SLC39A6: variants seen among roughly 807,000 people sequenced by gnomAD.
The protein encoded by SLC39A6 is solute carrier family 39 member 6.
Under a neutral mutation model 63.5 loss-of-function variants are expected in SLC39A6, and 51 were observed. That is an observed-to-expected ratio of 0.80 (90% CI 0.64 to 1.01). The LOEUF (loss-of-function observed/expected upper bound fraction) is 1.01, where lower values mean the gene tolerates loss of function less well. Ranked by LOEUF, SLC39A6 falls within the 50% of genes least tolerant of loss-of-function variation. The pLI, the probability that SLC39A6 is intolerant of heterozygous loss-of-function variation, is 0.00. For synonymous variants in SLC39A6, 318 were observed against 324.7 expected, an observed-to-expected ratio of 0.98 and a Z score of 0.22; for missense variants, 805 against 927.8, an observed-to-expected ratio of 0.87 and a Z score of 1.72.
Position 36,109,740 on chromosome 18 carries a change from A to G in SLC39A6, c.2121T>C (p.Pro707=), listed in dbSNP as rs773505650. 1.3e-6 allele frequency: 2 copies of G among 1,593,056 alleles called. No homozygotes were observed. The highest frequency in any genetic ancestry group is 2.7e-5 in the African/African-American group (2 of 73,484). ...CACTAGCATCATTGTGCAGCATTTC[A>G]GGTACCTTTAAAAAAAAGTAAGGGA... The part of the protein sequence containing the change: ...FMYVALVDMV[P]EMLHNDASDH... Residue 707 remains proline (P), a synonymous_variant, in exon 10 of 10, where the codon CCT becomes CCC. Coordinates refer to ENST00000269187, the MANE Select transcript of SLC39A6 (RefSeq NM_012319.4).
intron 5 of SLC39A6, among the ~76,000 whole-genome samples, chr18:36,120,365 A>C (rs2089382865): frequency 6.6e-6 from 1 of 152,244 alleles, no homozygotes; most frequent in African/African-American, 2.4e-5. Flanking sequence ...CTTGATTAAG[A>C]ATAAATAAGC....
Position 36,122,118 on chromosome 18 carries a change from C to G in SLC39A6, c.1293G>C (p.Leu431=), listed in dbSNP as rs752391375. Residue 431 remains leucine, a synonymous_variant, in exon 5 of 10, where the codon CTG becomes CTC. Coordinates refer to ENST00000269187, the MANE Select transcript of SLC39A6 (RefSeq NM_012319.4). ...CATGTTCAACAAGAAACATGAAATACAGGCCTCCTAGAGCTGTTAGACCCT... is the reference window on the plus strand; with the variant it reads ...CATGTTCAACAAGAAACATGAAATAGAGGCCTCCTAGAGCTGTTAGACCCT... ...TWKGLTALGG[L]YFMFLVEHVL... is the part of the protein sequence containing the mutation. 6.2e-7 allele frequency: 1 copy of G among 1,613,928 alleles called. No homozygotes were observed. The highest frequency in any genetic ancestry group is 1.1e-5 in the South Asian group (1 of 91,086).
intron 4 of SLC39A6, 54 bp downstream of exon 4, chr18:36,123,438 CATT>C: frequency 6.9e-7 from 1 of 1,447,114 alleles, no homozygotes; most frequent in Non-Finnish European, 9.3e-7. Flanking sequence ...TAAACCAAAA[CATT>C]TTTTTTTCAA....
Position 36,124,550 on chromosome 18 carries a change from T to A in SLC39A6, c.940A>T (p.Ile314Phe). Residue 314 changes from isoleucine to phenylalanine, a missense_variant, in exon 3 of 10, where the codon ATC becomes TTC. Ile to Phe is a conservative substitution (Grantham distance 21). This residue lies in a region of SLC39A6 where 639 missense variants were observed against 644.0 expected (regional missense o/e 0.99). Transcript: ENST00000269187. ...LIHTSEKKAE[I>F]PPKTYSLQIA... ...TGTAATGAATAGGTCTTTGGAGGGA[T>A]TTCAGCCTTCTTTTCACTTGTATGA... is the stretch of plus-strand genomic sequence containing the variant. 6.4e-7 allele frequency: 1 copy of A among 1,571,090 alleles called. No individual in the cohort carries two copies. The highest frequency in any genetic ancestry group is 8.7e-7 in the Non-Finnish European group (1 of 1,146,620).
At chr18:36,110,935 GGACGACATA>G in intron 9 of SLC39A6, 115 bp downstream of exon 9, 1 of 1,448,884 alleles carries the variant, frequency 6.9e-7, no homozygotes, top group Admixed American at 2.5e-5. Flanking sequence ...AGACCAGCCT[GGACGACATA>G]GCAAGATTCC....
chr18:36,124,450 C>A (rs2089418818), intron 3 of SLC39A6, 70 bp downstream of exon 3: 4 of 995,876 alleles, frequency 4.0e-6, no homozygotes, highest in Non-Finnish European at 4.3e-6. Context: ...TAGGCTGATG[C>A]AAATCTAAGG....
intron 5 of SLC39A6, among the ~76,000 whole-genome samples, chr18:36,121,791 A>G (rs2089396545): frequency 6.6e-6 from 1 of 152,190 alleles, no homozygotes; most frequent in Non-Finnish European, 1.5e-5. Flanking sequence ...TTGTCTGGTC[A>G]CTTATACAGA....
intron 7 of SLC39A6, among the ~76,000 whole-genome samples, chr18:36,113,197 C>T (rs1056197067): frequency 6.6e-6 from 1 of 151,876 alleles, no homozygotes; most frequent in African/African-American, 2.4e-5. Flanking sequence ...CGGGCTCAAG[C>T]GTTCCATCTA....
intron 5 of SLC39A6, among the ~76,000 whole-genome samples, chr18:36,121,681 C>CTAAT (rs10664689): frequency 0.31 from 47,077 of 151,916 alleles, 7,593 homozygotes; most frequent in Middle Eastern, 0.47. Flanking sequence ...TACTGGGTGA[C>CTAAT]TGGAAATTAA....
Position 36,121,541 on chromosome 18 carries a change from G to A in SLC39A6, c.1359+511C>T, listed in dbSNP as rs190695817. Among the ~76,000 whole-genome samples the A allele has an allele frequency of 7.7e-4, 117 of 152,194 alleles. 1 individual carries two copies. The highest frequency in any genetic ancestry group is 1.0e-4 in the Non-Finnish European group (7 of 68,030). ...TAAAAAGTGGCAAATTACCATAGGC[G>A]ACTCAAAAGGGTTTTTTTTGGCCAG... On this transcript the variant is annotated intron_variant, in intron 5 of 9. Transcript: ENST00000269187.
At chr18:36,111,951 T>C (rs1246109150) in intron 8 of SLC39A6, among the ~76,000 whole-genome samples, 3 of 152,116 alleles carry the variant, frequency 2.0e-5, no homozygotes, top group African/African-American at 7.2e-5. Flanking sequence ...CAAATGATAA[T>C]GGTAATGCAT....
chr18:36,113,067 C>G (rs184611840), intron 7 of SLC39A6, among the ~76,000 whole-genome samples: 2 of 151,494 alleles, frequency 1.3e-5, no homozygotes, highest in Admixed American at 6.6e-5. Context: ...ATTATACAAT[C>G]AATCAATTAT....
intron 5 of SLC39A6, among the ~76,000 whole-genome samples, chr18:36,117,386 T>C (rs1049704099): frequency 6.6e-6 from 1 of 152,240 alleles, no homozygotes; most frequent in Admixed American, 6.5e-5. Flanking sequence ...AGTTTTTTAG[T>C]TATTAAAACA....
Position 36,116,762 on chromosome 18 carries a change from T to C in SLC39A6, c.1377A>G (p.Glu459=). The C allele has an allele frequency of 6.2e-7, 1 of 1,611,032 alleles. No homozygotes were observed. The highest frequency in any genetic ancestry group is 8.5e-7 in the Non-Finnish European group (1 of 1,177,926). Residue 459 remains glutamate, a synonymous_variant, in exon 6 of 10, where the codon GAA becomes GAG. Transcript: ENST00000269187. The part of the protein sequence containing the change: ...DKKKKNQKKP[E]NDDDVEIKKQ... The stretch of plus-strand genomic sequence containing the variant: ...TCTTAATCTCCACATCATCATCATT[T>C]TCAGGTTTCTTCTGATTCTAAAATA...
intron 1 of SLC39A6, among the ~76,000 whole-genome samples, chr18:36,127,720 C>T (rs1194150819): frequency 6.6e-6 from 1 of 151,970 alleles, no homozygotes; most frequent in Non-Finnish European, 1.5e-5. Flanking sequence ...GCCAGTGTAT[C>T]CCTCAGGATA....
intron 5 of SLC39A6, among the ~76,000 whole-genome samples, chr18:36,121,564 CAGAA>C (rs1340901554): frequency 6.6e-6 from 1 of 152,002 alleles, no homozygotes; most frequent in Non-Finnish European, 1.5e-5. Context: ...TTTTTTTGGC[CAGAA>C]AGAAAGAGCC....
intron 2 of SLC39A6, among the ~76,000 whole-genome samples, chr18:36,125,738 T>C (rs77661584): frequency 6.6e-6 from 1 of 152,212 alleles, no homozygotes; most frequent in South Asian, 2.1e-4. Context: ...ATGACATTCA[T>C]GGAAACTGCT....
Position 36,129,162 on chromosome 18 carries a change from G to C in SLC39A6, c.-58C>G, listed in dbSNP as rs2089494380. ...CGGCCCGGCCACGCGCGCAGGTTTG[G>C]TTCCACACGGGCGGTCCAGAGGGCT... is the stretch of plus-strand genomic sequence containing the variant. On this transcript the variant is annotated 5_prime_UTR_variant, in exon 1 of 10. Coordinates refer to ENST00000269187, the MANE Select transcript of SLC39A6 (RefSeq NM_012319.4). The C allele has an allele frequency of 3.3e-5, 5 of 152,618 alleles. No individual in the cohort carries two copies. The South Asian group carries it at 1.0e-3, about 31-fold the overall frequency. 9.5% of individuals were successfully genotyped at this position (152,618 alleles called of 1,614,324 possible).
rs1429242590 is a variant in SLC39A6 at position 36,109,377 on chromosome 18, C to T, written c.*216G>A. The T allele has an allele frequency of 4.3e-5, 16 of 369,120 alleles. No homozygotes were observed. The highest frequency in any genetic ancestry group is 1.3e-4 in the East Asian group (3 of 23,222). 22.9% of individuals were successfully genotyped at this position (369,120 alleles called of 1,614,324 possible). A position where few individuals can be genotyped will look rare whatever the true frequency, so the allele number is the denominator to read the frequency against. On this transcript the variant is annotated 3_prime_UTR_variant, in exon 10 of 10. Coordinates refer to ENST00000269187, the MANE Select transcript of SLC39A6 (RefSeq NM_012319.4). Reference sequence around the variant, plus strand: ...TGTTTACATAATAAACTGGTAATACCGGTGAATTGCACATACAGATTTTAT... The same window carrying T: ...TGTTTACATAATAAACTGGTAATACTGGTGAATTGCACATACAGATTTTAT...
Sources: allele counts gnomAD v4.1 joint callset (sites outside exome capture counted in the v4.1 genomes callset), GRCh38; gene constraint gnomAD v4.1.1; regional missense constraint gnomAD v4.1.1; transcripts MANE v1.5; gene names NCBI Gene and HGNC (gene_info 2026-07-23, HGNC 2026-07-21).